CNTN4: variants seen among roughly 807,000 people sequenced by gnomAD.
CNTN4 encodes contactin-4.
A neutral mutation model predicts 122.5 loss-of-function variants in CNTN4; 77 were observed. The observed-to-expected ratio is 0.63, with a 90% CI of 0.52 to 0.76. CNTN4 has a LOEUF of 0.76. Among genes scored for constraint, CNTN4 ranks in the 30% least tolerant of loss-of-function variants. The pLI, the probability that CNTN4 is intolerant of heterozygous loss-of-function variation, is 0.00. For missense variants in CNTN4, 1,256 were observed against 1,259.1 expected (o/e 1.00, Z 0.04); for synonymous variants, 512 against 447.0 (o/e 1.15, Z -1.83).
chr3:2,705,146 A>G (rs971828087), intron 4 of CNTN4, among the ~76,000 whole-genome samples: 2 of 151,386 alleles, frequency 1.3e-5, no homozygotes, highest in African/African-American at 2.4e-5. Flanking sequence ...AGGCAGGCGG[A>G]TCACGAGGTC....
At chr3:2,352,277 G>A (rs181955746) in intron 3 of CNTN4, among the ~76,000 whole-genome samples, 32 of 152,298 alleles carry the variant, frequency 2.1e-4, no homozygotes, top group Non-Finnish European at 4.1e-4. Flanking sequence ...CTCAGGCCAA[G>A]GCGTCCACTC....
intron 3 of CNTN4, among the ~76,000 whole-genome samples, chr3:2,406,646 A>G (rs1287748205): frequency 6.6e-6 from 1 of 152,184 alleles, no homozygotes; most frequent in Non-Finnish European, 1.5e-5. Context: ...CTCTCATTAA[A>G]TAGCTTTGTA....
At chr3:2,882,381 A>G (rs1168937281) in intron 8 of CNTN4, among the ~76,000 whole-genome samples, 1 of 151,942 alleles carries the variant, frequency 6.6e-6, no homozygotes, top group Non-Finnish European at 1.5e-5. Context: ...AAAAAAAAAG[A>G]AAAAGGAAGA....
Position 2,856,289 on chromosome 3 carries a change from G to A in CNTN4, c.455-10463G>A, listed in dbSNP as rs2150727082. 3.3e-5 allele frequency among the ~76,000 whole-genome samples: 3 copies of A among 91,842 alleles called. No individual in the cohort carries two copies. The South Asian group carries it at 8.3e-4, about 26-fold the overall frequency. 60.3% of individuals were successfully genotyped at this position (91,842 alleles called of 152,430 possible). ...CAAATTTCAACGTGTGAAATAATGG[G>A]CTGGTTGCTACGAGGCAAAAAAGAA... On this transcript the variant is annotated intron_variant, in intron 7 of 24. Transcript: ENST00000418658.
At chr3:2,634,931 C>G (rs1000931481) in intron 4 of CNTN4, among the ~76,000 whole-genome samples, 3 of 151,814 alleles carry the variant, frequency 2.0e-5, no homozygotes, top group African/African-American at 7.3e-5. Context: ...AAAAAGAAAT[C>G]CAGTATTGGG....
At chr3:2,531,105 T>A (rs1410668480) in intron 3 of CNTN4, among the ~76,000 whole-genome samples, 1 of 151,968 alleles carries the variant, frequency 6.6e-6, no homozygotes, top group East Asian at 1.9e-4. Context: ...TAAAAAAGAG[T>A]CAATATGTTT....
chr3:2,540,380 A>G (rs767228664), intron 3 of CNTN4, among the ~76,000 whole-genome samples: 1 of 151,738 alleles, frequency 6.6e-6, no homozygotes, highest in Admixed American at 6.6e-5. Context: ...GTGGGCATGG[A>G]GTGTTAATTT....
intron 2 of CNTN4, among the ~76,000 whole-genome samples, chr3:2,217,826 T>A (rs1209546952): frequency 6.6e-6 from 1 of 152,194 alleles, no homozygotes; most frequent in Non-Finnish European, 1.5e-5. Context: ...CCAGTTGAGA[T>A]ATAAACATAC....
At chr3:2,943,208 AC>A (rs11289799) in intron 13 of CNTN4, among the ~76,000 whole-genome samples, 91,181 of 151,846 alleles carry the variant, frequency 0.6, 27,493 homozygotes, top group Middle Eastern at 0.7. Context: ...ATTCCTGTCC[AC>A]AAAGTCAACA....
intron 4 of CNTN4, among the ~76,000 whole-genome samples, chr3:2,594,095 C>T (rs369500923): frequency 6.6e-6 from 1 of 152,124 alleles, no homozygotes; most frequent in South Asian, 2.1e-4. Flanking sequence ...ATTCAAGATA[C>T]GTTTTACAAG....
At chr3:2,651,310 C>G (rs1009470653) in intron 4 of CNTN4, among the ~76,000 whole-genome samples, 8 of 152,098 alleles carry the variant, frequency 5.3e-5, no homozygotes, top group African/African-American at 1.9e-4. Context: ...TTTGTGCTCC[C>G]GATGATCCCT....
chr3:2,674,559 C>T (rs2084727710), intron 4 of CNTN4, among the ~76,000 whole-genome samples: 1 of 152,168 alleles, frequency 6.6e-6, no homozygotes, highest in South Asian at 2.1e-4. Context: ...GAGTTCGAGA[C>T]CAGCCTAGCC....
At chr3:2,429,535 C>G (rs2047978917) in intron 3 of CNTN4, among the ~76,000 whole-genome samples, 1 of 152,192 alleles carries the variant, frequency 6.6e-6, no homozygotes, top group South Asian at 2.1e-4. Context: ...GGTCAGGGAC[C>G]CACTTGAGGC....
At chr3:2,322,167 T>G (rs1163404234) in intron 2 of CNTN4, among the ~76,000 whole-genome samples, 1 of 152,132 alleles carries the variant, frequency 6.6e-6, no homozygotes, top group Non-Finnish European at 1.5e-5. Context: ...AGCTGTAAGG[T>G]TGTATTTTTA....
At chr3:2,478,194 T>A (rs1559589677) in intron 3 of CNTN4, among the ~76,000 whole-genome samples, 1 of 152,178 alleles carries the variant, frequency 6.6e-6, no homozygotes, top group Admixed American at 6.6e-5. Flanking sequence ...GTCAGAAAAG[T>A]ACATTTTTGA....
chr3:2,861,583 G>C (rs2093671939), intron 7 of CNTN4, among the ~76,000 whole-genome samples: 1 of 152,182 alleles, frequency 6.6e-6, no homozygotes, highest in African/African-American at 2.4e-5. Context: ...CTATCATGCT[G>C]TTAAAATCAT....
At chr3:2,931,269 A>T (rs957041642) in intron 13 of CNTN4, among the ~76,000 whole-genome samples, 3 of 152,218 alleles carry the variant, frequency 2.0e-5, no homozygotes, top group Non-Finnish European at 4.4e-5. Flanking sequence ...ACACTTAATG[A>T]CCTAGTAAGT....
chr3:2,804,159 T>C (rs2728089), intron 6 of CNTN4, among the ~76,000 whole-genome samples: 101,136 of 151,338 alleles, frequency 0.67, 35,225 homozygotes, highest in East Asian at 0.78. Flanking sequence ...AGTGGGGGTA[T>C]AGTCAGGGAG....
At chr3:2,413,056 C>A (rs2047284377) in intron 3 of CNTN4, among the ~76,000 whole-genome samples, 1 of 152,124 alleles carries the variant, frequency 6.6e-6, no homozygotes, top group South Asian at 2.1e-4. Context: ...CCATATGATT[C>A]TACAGGATTC....
Sources: allele counts gnomAD v4.1 joint callset (sites outside exome capture counted in the v4.1 genomes callset), GRCh38; gene constraint gnomAD v4.1.1; transcripts MANE v1.5; gene names NCBI Gene and HGNC (gene_info 2026-07-23, HGNC 2026-07-21).